Variants in CNTNAP2 observed in about 807,000 individuals in gnomAD.
The protein encoded by CNTNAP2 is contactin associated protein 2, also known as contactin-associated protein-like 2.
A neutral mutation model predicts 155.2 loss-of-function variants in CNTNAP2; 98 were observed. That is an observed-to-expected ratio of 0.63 (90% CI 0.54 to 0.75). The LOEUF is 0.75. CNTNAP2 is among the 30% of genes least tolerant of loss of function. The pLI is 0.00. For missense variants in CNTNAP2, 1,727 were observed against 1,688.1 expected, an observed-to-expected ratio of 1.02 and a Z score of -0.40; for synonymous variants, 651 against 631.2, an observed-to-expected ratio of 1.03 and a Z score of -0.47.
At chr7:147,099,699 G>T (rs116709375) in intron 4 of CNTNAP2, among the ~76,000 whole-genome samples, 2 of 152,104 alleles carry the variant, frequency 1.3e-5, no homozygotes, top group Non-Finnish European at 2.9e-5. Context: ...TAAAAATTCC[G>T]AAATAAATGT....
intron 12 of CNTNAP2, among the ~76,000 whole-genome samples, chr7:147,629,448 T>TAAC (rs1160474082): frequency 2.8e-5 from 4 of 145,196 alleles, no homozygotes; most frequent in African/African-American, 1.0e-4. Context: ...ATAATAATAA[T>TAAC]AGACATAAAC....
chr7:148,371,353 T>C (rs1798883863), intron 21 of CNTNAP2, among the ~76,000 whole-genome samples: 1 of 152,182 alleles, frequency 6.6e-6, no homozygotes, highest in South Asian at 2.1e-4. Flanking sequence ...TTTCCAAATA[T>C]AGAAATTGGT....
intron 2 of CNTNAP2, among the ~76,000 whole-genome samples, chr7:146,800,056 G>T (rs1004711376): frequency 6.6e-6 from 1 of 152,100 alleles, no homozygotes; most frequent in African/African-American, 2.4e-5. Flanking sequence ...GAATAGTAGG[G>T]AATGCATTTG....
chr7:147,006,205 T>C (rs1798520833), intron 3 of CNTNAP2, among the ~76,000 whole-genome samples: 1 of 151,794 alleles, frequency 6.6e-6, no homozygotes, highest in Non-Finnish European at 1.5e-5. Flanking sequence ...GAAAAAAGCG[T>C]TTTGGGCTTC....
chr7:148,415,697 C>CTCTT lies in CNTNAP2; in HGVS notation c.*82_*85dup. The CTCTT allele has an allele frequency of 6.8e-7, 1 of 1,480,718 alleles. No individual in the cohort carries two copies. Among genetic ancestry groups the CTCTT allele is most frequent in the African/African-American group, 1.4e-5 (1 of 71,808 alleles). 91.7% of individuals were successfully genotyped at this position (1,480,718 alleles called of 1,614,324 possible). A position where few individuals can be genotyped will look rare whatever the true frequency, so the allele number is the denominator to read the frequency against. On this transcript the variant is annotated 3_prime_UTR_variant, in exon 24 of 24. Transcript: ENST00000361727. ...AGGGACAAAAGCACCCTGCTTCATA[C>CTCTT]TCTTGAGCACATCCTTAAAATATCA... is the stretch of plus-strand genomic sequence containing the variant.
At chr7:148,101,350 A>AGAGTGTGTGTGTGTGTGT (rs1247428489) in intron 15 of CNTNAP2, among the ~76,000 whole-genome samples, 1 of 144,358 alleles carries the variant, frequency 6.9e-6, no homozygotes, top group African/African-American at 2.6e-5. Flanking sequence ...TAAAAAGTTC[A>AGAGTGTGTGTGTGTGTGT]GTGTGTGTGT....
At chr7:147,388,559 C>A (rs1796658860) in intron 9 of CNTNAP2, among the ~76,000 whole-genome samples, 1 of 151,536 alleles carries the variant, frequency 6.6e-6, no homozygotes, top group Non-Finnish European at 1.5e-5. Flanking sequence ...TAATGCAAAC[C>A]CACTGGGTTC....
intron 13 of CNTNAP2, among the ~76,000 whole-genome samples, chr7:147,781,692 G>C (rs139488178): frequency 5.3e-5 from 8 of 152,108 alleles, no homozygotes; most frequent in Admixed American, 5.2e-4. Flanking sequence ...ACTCCTAAAA[G>C]CTTACTAGTC....
At chr7:146,993,919 T>C (rs1798256440) in intron 3 of CNTNAP2, among the ~76,000 whole-genome samples, 1 of 152,170 alleles carries the variant, frequency 6.6e-6, no homozygotes, top group South Asian at 2.1e-4. Flanking sequence ...GTTCAACCAA[T>C]ACCACTTTGA....
intron 10 of CNTNAP2, among the ~76,000 whole-genome samples, chr7:147,402,106 A>T (rs535481412): frequency 6.6e-6 from 1 of 152,192 alleles, no homozygotes; most frequent in African/African-American, 2.4e-5. Context: ...GAACACATAC[A>T]TTTTGGTACT....
intron 18 of CNTNAP2, among the ~76,000 whole-genome samples, chr7:148,197,748 G>A (rs1053597494): frequency 2.6e-5 from 4 of 152,142 alleles, no homozygotes; most frequent in Admixed American, 6.5e-5. Flanking sequence ...TCTATCAGCC[G>A]ATCATCATCG....
intron 1 of CNTNAP2, among the ~76,000 whole-genome samples, chr7:146,547,294 A>G (rs1798043469): frequency 6.6e-6 from 1 of 151,764 alleles, no homozygotes; most frequent in African/African-American, 2.4e-5. Flanking sequence ...GTTTCTTCTT[A>G]ATTTACACAT....
At chr7:148,379,529 C>T (rs1799005114) in intron 21 of CNTNAP2, among the ~76,000 whole-genome samples, 2 of 151,808 alleles carry the variant, frequency 1.3e-5, no homozygotes, top group African/African-American at 4.8e-5. Context: ...CATAACAAAA[C>T]CCCGCCTCTA....
intron 8 of CNTNAP2, among the ~76,000 whole-genome samples, chr7:147,220,143 A>G (rs957498080): frequency 6.6e-6 from 1 of 152,144 alleles, no homozygotes; most frequent in East Asian, 1.9e-4. Context: ...CTGGGGATTA[A>G]GTTTTCAACA....
chr7:146,759,681 C>CAAAAAAAAAAAAA (rs376817827), intron 1 of CNTNAP2, among the ~76,000 whole-genome samples: 1 of 54,600 alleles, frequency 1.8e-5, no homozygotes, highest in African/African-American at 4.1e-5. Flanking sequence ...GTGAGACTGT[C>CAAAAAAAAAAAAA]AAAAAAAAAA....
intron 10 of CNTNAP2, among the ~76,000 whole-genome samples, chr7:147,484,518 G>T (rs546622941): frequency 6.6e-6 from 1 of 152,164 alleles, no homozygotes; most frequent in Non-Finnish European, 1.5e-5. Flanking sequence ...CTTCTGCAAG[G>T]CTGTGAATAC....
At chr7:146,820,746 G>A (rs1358565734) in intron 2 of CNTNAP2, among the ~76,000 whole-genome samples, 1 of 152,180 alleles carries the variant, frequency 6.6e-6, no homozygotes. Context: ...TCGCTGATCT[G>A]TCTAATGTTG....
chr7:147,023,590 C>T (rs1286770452), intron 3 of CNTNAP2, among the ~76,000 whole-genome samples: 1 of 152,080 alleles, frequency 6.6e-6, no homozygotes, highest in African/African-American at 2.4e-5. Context: ...ACTTGTATTC[C>T]TCCTCAACCC....
intron 3 of CNTNAP2, among the ~76,000 whole-genome samples, chr7:146,849,498 C>A (rs1447671440): frequency 6.6e-6 from 1 of 152,190 alleles, no homozygotes; most frequent in Admixed American, 6.5e-5. Flanking sequence ...ATTTATAGAA[C>A]AAGATAGCAT....
Sources: allele counts gnomAD v4.1 joint callset (sites outside exome capture counted in the v4.1 genomes callset), GRCh38; gene constraint gnomAD v4.1.1; transcripts MANE v1.5; gene names NCBI Gene and HGNC (gene_info 2026-07-23, HGNC 2026-07-21).